Variants in ADGRL3 observed in about 807,000 individuals in gnomAD.
ADGRL3 encodes adhesion G protein-coupled receptor L3.
In ADGRL3, 62 loss-of-function variants were observed where a neutral mutation model predicts 153.5. The observed-to-expected ratio is 0.40, with a 90% CI of 0.33 to 0.50. The LOEUF is 0.50. Ranked by LOEUF, ADGRL3 falls within the 20% of genes least tolerant of loss-of-function variation. The pLI is 0.47. For missense variants in ADGRL3, 1,641 were observed against 1,859.4 expected, an observed-to-expected ratio of 0.88 and a Z score of 2.16; for synonymous variants, 710 against 672.5, an observed-to-expected ratio of 1.06 and a Z score of -0.86.
At chr4:61,544,172 C>G (rs1168610793) in intron 4 of ADGRL3, among the ~76,000 whole-genome samples, 1 of 152,178 alleles carries the variant, frequency 6.6e-6, no homozygotes, top group African/African-American at 2.4e-5. Flanking sequence ...TCCAGAATGA[C>G]GGCATCAGTT....
chr4:61,697,036 C>T (rs566109707), intron 6 of ADGRL3, among the ~76,000 whole-genome samples: 2 of 151,800 alleles, frequency 1.3e-5, no homozygotes, highest in Admixed American at 1.3e-4. Context: ...TTCATAACCC[C>T]TTATGTATCT....
intron 3 of ADGRL3, among the ~76,000 whole-genome samples, chr4:61,511,783 A>G (rs535246520): frequency 3.9e-5 from 6 of 152,280 alleles, no homozygotes; most frequent in African/African-American, 1.2e-4. Context: ...CTGTTTTCTT[A>G]TAAGACCCAG....
intron 8 of ADGRL3, among the ~76,000 whole-genome samples, chr4:61,803,452 G>A (rs534958435): frequency 6.6e-6 from 1 of 152,188 alleles, no homozygotes; most frequent in Non-Finnish European, 1.5e-5. Flanking sequence ...TGTGATATGA[G>A]AGAAAGCTCT....
intron 9 of ADGRL3, among the ~76,000 whole-genome samples, chr4:61,849,750 G>A (rs2098179436): frequency 6.6e-6 from 1 of 152,002 alleles, no homozygotes; most frequent in South Asian, 2.1e-4. Flanking sequence ...ATATCTAAAT[G>A]CCAGCTGTGA....
intron 1 of ADGRL3, among the ~76,000 whole-genome samples, chr4:61,214,129 C>T (rs890565787): frequency 3.3e-5 from 5 of 152,088 alleles, no homozygotes; most frequent in African/African-American, 9.7e-5. Context: ...ATTACTAATG[C>T]TCAGCTGCAC....
intron 9 of ADGRL3, among the ~76,000 whole-genome samples, chr4:61,818,216 A>G (rs1055353645): frequency 6.6e-6 from 1 of 152,170 alleles, no homozygotes; most frequent in Admixed American, 6.5e-5. Flanking sequence ...GCCATTCCAA[A>G]TGGAAGAAAT....
In ADGRL3 at chr4:61,962,799, C is replaced by T. The variant is rs140363048; in HGVS notation, c.2805+14523C>T. ...GAATCTGTGGGAACGTATTTGGAAA[C>T]TTTGTTCTATTAATTTTAATTTTTT... On this transcript the variant is annotated intron_variant, in intron 17 of 26. Transcript: ENST00000683033. Among the ~76,000 whole-genome samples the T allele has an allele frequency of 2.9e-3, 445 of 152,226 alleles. 6 individuals carry two copies. The highest frequency in any genetic ancestry group is 0.025 in the Admixed American group (383 of 15,284).
At chr4:61,438,932 C>A (rs1470088258) in intron 2 of ADGRL3, among the ~76,000 whole-genome samples, 2 of 151,932 alleles carry the variant, frequency 1.3e-5, no homozygotes, top group African/African-American at 4.8e-5. Context: ...TGGTCTCGAT[C>A]GCCTGACCTC....
chr4:62,070,780 C>T lies in ADGRL3; in HGVS notation c.4504C>T (p.His1502Tyr), dbSNP rs985126299. ...MPNLGSRNHV[H>Y]QLHTYYQLGR... ...AAACCTAGGCTCCAGAAACCACGTCCATCAGCTGCATACTTACTACCAGCT... is the reference window on the plus strand; with the variant it reads ...AAACCTAGGCTCCAGAAACCACGTCTATCAGCTGCATACTTACTACCAGCT... The change falls in exon 27 of 27, where the codon CAT (histidine) becomes TAT (tyrosine). Residue 1502 changes from histidine to tyrosine, a missense_variant. By Grantham distance (83) the His-to-Tyr change is moderately conservative. Around this residue, in one of 5 missense-constraint regions of ADGRL3, gnomAD observed 517 missense variants for 555.0 expected, o/e 0.93. Transcript: ENST00000683033. The T allele has an allele frequency of 3.2e-6, 5 of 1,551,518 alleles. No individual in the cohort carries two copies. The African/African-American group carries it at 6.8e-5, about 21-fold the overall frequency.
chr4:61,734,783 C>T (rs946410881), intron 8 of ADGRL3, among the ~76,000 whole-genome samples: 3 of 152,070 alleles, frequency 2.0e-5, no homozygotes, highest in South Asian at 2.1e-4. Flanking sequence ...TATAGCAATT[C>T]GAAAATTAAA....
intron 9 of ADGRL3, among the ~76,000 whole-genome samples, chr4:61,889,328 A>G (rs973182220): frequency 6.6e-6 from 1 of 152,238 alleles, no homozygotes; most frequent in Non-Finnish European, 1.5e-5. Context: ...AGGCAGAAAG[A>G]ACAGGGTGCA....
In ADGRL3 at chr4:61,665,149, G is replaced by T. The variant is rs149823382; in HGVS notation, c.474-11677G>T. On this transcript the variant is annotated intron_variant, in intron 5 of 26. Coordinates refer to ENST00000683033, the MANE Select transcript of ADGRL3 (RefSeq NM_001387552.1). ...AGAACTGCCGGGCGCGGTGGCTCCC[G>T]CCTGTAATTCCAGCACTGTGGGAGG... 7.1e-3 allele frequency among the ~76,000 whole-genome samples: 1,086 copies of T among 152,264 alleles called. 8 individuals are homozygous for T. Among genetic ancestry groups the T allele is most frequent in the Non-Finnish European group, 8.3e-3 (566 of 68,012 alleles).
chr4:61,951,232 C>CAA (rs2098946071), intron 17 of ADGRL3, among the ~76,000 whole-genome samples: 1 of 151,980 alleles, frequency 6.6e-6, no homozygotes, highest in South Asian at 2.1e-4. Flanking sequence ...CCTGACTTAA[C>CAA]AAAATATAGC....
At chr4:61,460,149 C>T (rs990479662) in intron 2 of ADGRL3, among the ~76,000 whole-genome samples, 1 of 151,862 alleles carries the variant, frequency 6.6e-6, no homozygotes, top group African/African-American at 2.4e-5. Flanking sequence ...AAAATCTTTG[C>T]CTAGACCAAT....
chr4:61,367,986 C>T (rs1268812647), intron 1 of ADGRL3, among the ~76,000 whole-genome samples: 6 of 151,468 alleles, frequency 4.0e-5, no homozygotes, highest in African/African-American at 7.3e-5. Flanking sequence ...CTCTGATGGC[C>T]AGTGATGGTG....
chr4:61,757,817 T>G (rs933957244), intron 8 of ADGRL3, among the ~76,000 whole-genome samples: 1 of 152,204 alleles, frequency 6.6e-6, no homozygotes, highest in Non-Finnish European at 1.5e-5. Flanking sequence ...TCTGGTATGT[T>G]GTGTCTTTTT....
intron 4 of ADGRL3, among the ~76,000 whole-genome samples, chr4:61,530,762 T>C (rs1435395403): frequency 1.3e-5 from 2 of 152,204 alleles, no homozygotes; most frequent in East Asian, 1.9e-4. Flanking sequence ...CTCACTCTTA[T>C]AGGTATATGG....
intron 2 of ADGRL3, among the ~76,000 whole-genome samples, chr4:61,408,016 T>C (rs1420666878): frequency 2.0e-5 from 3 of 152,080 alleles, no homozygotes; most frequent in African/African-American, 7.2e-5. Context: ...ATTACGTCAT[T>C]TCTGAAATGA....
At chr4:61,345,972 G>T (rs2151221576) in intron 1 of ADGRL3, among the ~76,000 whole-genome samples, 1 of 152,246 alleles carries the variant, frequency 6.6e-6, no homozygotes, top group Admixed American at 6.5e-5. Context: ...TGATAAGATT[G>T]AAGGGTTTTT....
Sources: gnomAD v4.1 joint callset for allele counts (sites outside exome capture counted in the v4.1 genomes callset) on GRCh38, gnomAD v4.1.1 for gene constraint, gnomAD v4.1.1 regional missense constraint, MANE v1.5 for transcripts, NCBI Gene and HGNC (gene_info 2026-07-23, HGNC 2026-07-21) for gene names.